Variants in ZNF143 observed in about 807,000 individuals in gnomAD.
ZNF143 encodes SPH-binding factor.
A neutral mutation model predicts 74.1 loss-of-function variants in ZNF143; 49 were observed. The observed-to-expected ratio is 0.66, with a 90% CI of 0.53 to 0.84. The LOEUF is 0.84. Ranked by LOEUF, ZNF143 falls within the 40% of genes least tolerant of loss-of-function variation. The pLI, the probability that ZNF143 is intolerant of heterozygous loss-of-function variation, is 0.00. For synonymous variants in ZNF143, 304 were observed against 282.8 expected (o/e 1.07, Z -0.75); for missense variants, 637 against 793.4 (o/e 0.80, Z 2.37).
intron 12 of ZNF143, among the ~76,000 whole-genome samples, chr11:9,510,686 T>C (rs1284486349): frequency 5.9e-5 from 9 of 152,140 alleles, no homozygotes; most frequent in African/African-American, 2.2e-4. Flanking sequence ...AACCACTGAA[T>C]TGAGAAGTAC....
chr11:9,492,105 A>ATTTTTTTT (rs34432476), intron 7 of ZNF143, among the ~76,000 whole-genome samples: 1 of 100,238 alleles, frequency 1.0e-5, no homozygotes, highest in Non-Finnish European at 1.9e-5. Flanking sequence ...CACCTGGCTA[A>ATTTTTTTT]TTTTTTTTTT....
At position 9,516,613 on chromosome 11, in the gene ZNF143, ATATT is replaced by A. The variant is rs142840605; in HGVS notation, c.1686+252_1686+255del. 4.9e-3 allele frequency among the ~76,000 whole-genome samples: 748 copies of A among 152,330 alleles called. 6 individuals carry two copies. The highest frequency in any genetic ancestry group is 0.017 in the African/African-American group (716 of 41,578). ...TATATAAGGTACTCAGCCCACATATATATTAAGTGTTCAGTAGTGGTAGCTATTC... is the reference window on the plus strand; with the variant it reads ...TATATAAGGTACTCAGCCCACATATAAAGTGTTCAGTAGTGGTAGCTATTC... On this transcript the variant is annotated intron_variant, in intron 14 of 15. Coordinates refer to ENST00000396602, the MANE Select transcript of ZNF143 (RefSeq NM_003442.6).
intron 10 of ZNF143, among the ~76,000 whole-genome samples, chr11:9,500,558 C>A (rs1379118092): frequency 6.6e-6 from 1 of 151,878 alleles, no homozygotes; most frequent in Non-Finnish European, 1.5e-5. Flanking sequence ...CTCAGCCTCT[C>A]GAGTAGCTGG....
In ZNF143 at chr11:9,486,346, T is replaced by TATATATTATATATATATTATATATA. The variant is rs772288371; in HGVS notation, c.645+6817_645+6841dup. ...GGTCCTAGGCGCTAATTATATTATA[T>TATATATTATATATATATTATATATA]ATATATTATATATATATTATATATA... On this transcript the variant is annotated intron_variant, in intron 7 of 15. Coordinates refer to ENST00000396602, the MANE Select transcript of ZNF143 (RefSeq NM_003442.6). Among the ~76,000 whole-genome samples the TATATATTATATATATATTATATATA allele has an allele frequency of 4.3e-4, 24 of 56,246 alleles. 1 individual carries two copies. Among genetic ancestry groups the TATATATTATATATATATTATATATA allele is most frequent in the African/African-American group, 1.1e-3 (15 of 14,240 alleles). The allele number at this position is 56,246 out of a possible 152,430, so 36.9% of individuals were successfully genotyped here. A position where few individuals can be genotyped will look rare whatever the true frequency, so the allele number is the denominator to read the frequency against.
At chr11:9,501,495 G>A (rs1848156831) in intron 11 of ZNF143, among the ~76,000 whole-genome samples, 1 of 152,168 alleles carries the variant, frequency 6.6e-6, no homozygotes, top group South Asian at 2.1e-4. Context: ...AGAGAGATAA[G>A]ACATTGTCAA....
intron 11 of ZNF143, among the ~76,000 whole-genome samples, chr11:9,502,483 G>A (rs1003480446): frequency 6.6e-6 from 1 of 150,516 alleles, no homozygotes; most frequent in Non-Finnish European, 1.5e-5. Flanking sequence ...GGTGGCGGGT[G>A]CCTATAGTCC....
intron 13 of ZNF143, among the ~76,000 whole-genome samples, chr11:9,514,298 A>G (rs957726475): frequency 3.9e-5 from 6 of 152,168 alleles, no homozygotes; most frequent in Non-Finnish European, 7.4e-5. Flanking sequence ...CAAAACAACT[A>G]TCTTTCCCAT....
intron 14 of ZNF143, among the ~76,000 whole-genome samples, chr11:9,517,934 G>T (rs891382019): frequency 6.6e-6 from 1 of 152,086 alleles, no homozygotes; most frequent in Admixed American, 6.6e-5. Context: ...TTAAGAAAAA[G>T]ATCAGACAAC....
chr11:9,508,818 G>A lies in ZNF143; in HGVS notation c.1347G>A (p.Glu449=), dbSNP rs760307942. The change falls in exon 12 of 16, where the codon GAG becomes GAA. Residue 449 remains glutamate (E), a synonymous_variant. Transcript: ENST00000396602. The stretch of plus-strand genomic sequence containing the variant: ...ACGACACTGAGCCCATCGAGGAGGA[G>A]CAGGAAGCCTTCTTTGAGCCGCCCC... ...AHNDTEPIEE[E]QEAFFEPPPG... is the part of the protein sequence containing the mutation. The A allele has an allele frequency of 2.3e-5, 37 of 1,599,850 alleles. No homozygotes were observed. The highest frequency in any genetic ancestry group is 3.0e-5 in the Non-Finnish European group (35 of 1,172,536).
rs377087655 is a variant in ZNF143, at chr11:9,473,989, C to T, written c.254C>T (p.Ala85Val). Residue 85 changes from alanine to valine, a missense_variant, in exon 4 of 16, where the codon GCG (alanine) becomes GTG (valine). Ala to Val is a moderately conservative substitution (Grantham distance 64, BLOSUM62 0). Around this residue, in one of 2 missense-constraint regions of ZNF143, gnomAD observed 293 missense variants for 307.8 expected, o/e 0.95. Transcript: ENST00000396602. ...GTCATTCAGTTGGAAGATGGTTCTG[C>T]GGCCTATGTTCAACATGTACCCATA... ...GQVIQLEDGS[A>V]AYVQHVPIPK... The T allele has an allele frequency of 3.7e-6, 6 of 1,613,730 alleles. No homozygotes were observed. Among genetic ancestry groups the T allele is most frequent in the South Asian group, 1.1e-5 (1 of 91,082 alleles).
At position 9,509,652 on chromosome 11, in the gene ZNF143, G is replaced by T. The variant is rs541787962; in HGVS notation, c.1375+806G>T. ...ATATTGAAGCATTGAAAAACATTTA[G>T]GTGGAAAAGGTTTGTTGGAGAGTAA... On this transcript the variant is annotated intron_variant, in intron 12 of 15. Coordinates refer to ENST00000396602, the MANE Select transcript of ZNF143 (RefSeq NM_003442.6). Among the ~76,000 whole-genome samples the T allele has an allele frequency of 7.2e-5, 11 of 152,218 alleles. No individual in the cohort carries two copies. The South Asian group carries it at 2.3e-3, about 32-fold the overall frequency.
intron 7 of ZNF143, among the ~76,000 whole-genome samples, chr11:9,483,638 C>G (rs1366109240): frequency 6.6e-6 from 1 of 150,716 alleles, no homozygotes; most frequent in East Asian, 1.9e-4. Context: ...GAGTCTTGCT[C>G]TGTCGCTTAG....
At chr11:9,511,537 C>T (rs1848546879) in intron 12 of ZNF143, among the ~76,000 whole-genome samples, 1 of 151,224 alleles carries the variant, frequency 6.6e-6, no homozygotes, top group Non-Finnish European at 1.5e-5. Flanking sequence ...CTCCTGACCT[C>T]ATGATCCGCC....
chr11:9,480,631 A>G (rs1293280617), intron 7 of ZNF143, among the ~76,000 whole-genome samples: 2 of 152,194 alleles, frequency 1.3e-5, no homozygotes, highest in Non-Finnish European at 2.9e-5. Flanking sequence ...CATGCCTGTA[A>G]TCCCAGCACT....
Position 9,497,782 on chromosome 11 carries a change from C to T in ZNF143, c.949C>T (p.His317Tyr), listed in dbSNP as rs891989674. ...CAAAACTTCAGGAGATCTACAGAAACACATCAGAACTCATACAGGTACTAG... is the reference window on the plus strand; with the variant it reads ...CAAAACTTCAGGAGATCTACAGAAATACATCAGAACTCATACAGGTACTAG... ...SFKTSGDLQK[H>Y]IRTHTGERPF... is the part of the protein sequence containing the mutation. The change falls in exon 10 of 16, where the codon CAC becomes TAC. Residue 317 changes from histidine to tyrosine, a missense_variant. Transcript: ENST00000396602. 1 of 1,575,606 alleles carries T rather than the reference C, an allele frequency of 6.3e-7. No individual in the cohort carries two copies.
At chr11:9,506,511 G>A (rs745614470) in intron 11 of ZNF143, among the ~76,000 whole-genome samples, 10 of 152,208 alleles carry the variant, frequency 6.6e-5, no homozygotes, top group Non-Finnish European at 1.3e-4. Context: ...CATATTGGAT[G>A]TATCTCTTTA....
At chr11:9,473,731 G>A (rs770550012) in intron 3 of ZNF143, 2 of 1,483,622 alleles carry the variant, frequency 1.3e-6, no homozygotes, top group South Asian at 1.2e-5. Flanking sequence ...ATTGAAAATT[G>A]CAGGGGAGGA....
At chr11:9,526,168 A>C (rs1005978384) in intron 15 of ZNF143, among the ~76,000 whole-genome samples, 3 of 151,980 alleles carry the variant, frequency 2.0e-5, no homozygotes, top group African/African-American at 7.3e-5. Flanking sequence ...CAGCCCAGGC[A>C]ACATGACGAA....
rs553516425 is a variant in ZNF143, at chr11:9,502,684, T to C, written c.1147+1414T>C. Among the ~76,000 whole-genome samples the C allele has an allele frequency of 1.5e-3, 224 of 152,024 alleles. 2 individuals carry two copies. Among genetic ancestry groups the C allele is most frequent in the African/African-American group, 5.1e-3 (210 of 41,484 alleles). On this transcript the variant is annotated intron_variant, in intron 11 of 15. Coordinates refer to ENST00000396602, the MANE Select transcript of ZNF143 (RefSeq NM_003442.6). ...TTGTGCAACCATCACCACAATTCAA[T>C]TTTAGAATATTTTCATTTCCCCTAA...
Sources: gnomAD v4.1 joint callset for allele counts (sites outside exome capture counted in the v4.1 genomes callset) on GRCh38, gnomAD v4.1.1 for gene constraint, gnomAD v4.1.1 regional missense constraint, MANE v1.5 for transcripts, NCBI Gene and HGNC (gene_info 2026-07-23, HGNC 2026-07-21) for gene names.